The following NUP155 variants were observed in gnomAD, a reference collection of about 807,000 sequenced individuals.
NUP155 encodes nucleoporin 155.
NUP155 carries 71 observed loss-of-function variants against 180.4 expected under a neutral mutation model. That is an observed-to-expected ratio of 0.39 (90% CI 0.33 to 0.48). The LOEUF (loss-of-function observed/expected upper bound fraction) is 0.48. Among genes scored for constraint, NUP155 ranks in the 20% least tolerant of loss-of-function variants. The pLI is 0.91. For missense variants in NUP155, 1,553 were observed against 1,648.9 expected, an observed-to-expected ratio of 0.94 and a Z score of 1.01; for synonymous variants, 582 against 559.5, an observed-to-expected ratio of 1.04 and a Z score of -0.57.
intron 27 of NUP155, among the ~76,000 whole-genome samples, 173 bp from the exon 28 acceptor site, chr5:37,303,587 A>G (rs369548736): frequency 6.6e-6 from 1 of 152,224 alleles, no homozygotes. Context: ...TTCTTATTAT[A>G]AACAATTTTT....
At chr5:37,330,384 T>C (rs530028039) in intron 14 of NUP155, among the ~76,000 whole-genome samples, 18 of 152,376 alleles carry the variant, frequency 1.2e-4, no homozygotes, top group South Asian at 8.3e-4. Context: ...TTCCGGCTTA[T>C]GTCTCCAATT....
chr5:37,351,169 G>T, intron 6 of NUP155, 21 bp downstream of exon 6: 6 of 1,607,026 alleles, frequency 3.7e-6, no homozygotes, highest in Non-Finnish European at 5.1e-6. Flanking sequence ...AAAAAAAAAC[G>T]TTTACAAATG....
chr5:37,357,399 C>CAAAAAAAAAAAAAAAAAAAAAAA (rs397997409), intron 4 of NUP155, among the ~76,000 whole-genome samples: 5 of 31,288 alleles, frequency 1.6e-4, no homozygotes, highest in African/African-American at 2.8e-4. Flanking sequence ...ACCTTAATCT[C>CAAAAAAAAAAAAAAAAAAAAAAA]AAAAAAAAAA....
At chr5:37,326,846 A>G (rs1744629456) in intron 18 of NUP155, among the ~76,000 whole-genome samples, 1 of 152,226 alleles carries the variant, frequency 6.6e-6, no homozygotes. Flanking sequence ...ATTCATATGT[A>G]AGTAGATATA....
chr5:37,318,483 A>T (rs1033547583), intron 20 of NUP155, among the ~76,000 whole-genome samples: 3 of 132,484 alleles, frequency 2.3e-5, no homozygotes, highest in South Asian at 2.2e-4. Flanking sequence ...TATCCCTAAT[A>T]AAAAAAAAAA....
chr5:37,299,313 A>G (rs1742742899), intron 31 of NUP155, 135 bp downstream of exon 31: 2 of 1,039,800 alleles, frequency 1.9e-6, no homozygotes, highest in Admixed American at 1.8e-5. Context: ...GGTGACTTCC[A>G]CTTACTCTCT....
rs781237437 is a variant in NUP155, at chr5:37,305,222, T to C, written c.2904-12A>G. On this transcript the variant is annotated splice_polypyrimidine_tract_variant and intron_variant, in intron 25 of 34. Coordinates refer to ENST00000231498, the MANE Select transcript of NUP155 (RefSeq NM_153485.3). ...TGTAACTGTTTAATCTGAAAGAAAATGGAAAAGGAACAATTACATTATTTA... is the reference window on the plus strand; with the variant it reads ...TGTAACTGTTTAATCTGAAAGAAAACGGAAAAGGAACAATTACATTATTTA... 40 of 1,605,590 alleles carry C rather than the reference T, an allele frequency of 2.5e-5. No homozygotes were observed. In the Admixed American group the frequency reaches 6.5e-4, roughly 26 times the overall value.
chr5:37,327,365 G>C (rs1744669858), intron 18 of NUP155, among the ~76,000 whole-genome samples: 1 of 152,148 alleles, frequency 6.6e-6, no homozygotes, highest in Non-Finnish European at 1.5e-5. Flanking sequence ...ATGGTGGTTG[G>C]CATCCCCTAA....
chr5:37,318,634 C>A (rs970858703), intron 20 of NUP155, among the ~76,000 whole-genome samples: 28 of 151,472 alleles, frequency 1.8e-4, no homozygotes, highest in Admixed American at 1.1e-3. Context: ...ATTTAAAAAT[C>A]AAAAAAAACG....
intron 15 of NUP155, 144 bp from the exon 16 acceptor site, chr5:37,329,422 T>C (rs1176371617): frequency 1.4e-6 from 1 of 693,260 alleles, no homozygotes. Flanking sequence ...CAGTAAAGTA[T>C]ATGCATAAGA....
At chr5:37,333,771 T>C (rs1745133075) in intron 12 of NUP155, 138 bp from the exon 13 acceptor site, 1 of 705,040 alleles carries the variant, frequency 1.4e-6, no homozygotes, top group Admixed American at 2.8e-5. Flanking sequence ...TATGTAATTT[T>C]CTACTATCTT....
At chr5:37,294,251 T>A (rs954444448) in intron 33 of NUP155, 78 bp downstream of exon 33, 1 of 1,025,780 alleles carries the variant, frequency 9.7e-7, no homozygotes, top group Admixed American at 2.2e-5. Context: ...AAAAATGCAA[T>A]CAAAATACCC....
rs745574988 is a variant in NUP155 at position 37,364,403 on chromosome 5, G to GT, written c.158-20dup. On this transcript the variant is annotated intron_variant, in intron 1 of 34. Coordinates refer to ENST00000231498, the MANE Select transcript of NUP155 (RefSeq NM_153485.3). ...GGATTATCTACAAAAAGAAAATGAA[G>GT]TATTTATAATAATGTACTGCTCATC... 1 of 1,608,104 alleles carries GT rather than the reference G, an allele frequency of 6.2e-7. No individual in the cohort carries two copies. The highest frequency in any genetic ancestry group is 1.1e-5 in the South Asian group (1 of 90,936).
At chr5:37,309,345 T>C (rs1415593275) in intron 23 of NUP155, 78 bp from the exon 24 acceptor site, 1 of 1,183,966 alleles carries the variant, frequency 8.4e-7, no homozygotes, top group African/African-American at 1.5e-5. Context: ...AGTTTTAGTC[T>C]ATGTCTAAAT....
rs116689196 is a variant in NUP155 at position 37,370,707 on chromosome 5, C to T, written c.157+114G>A. The T allele has an allele frequency of 1.8e-4, 289 of 1,610,858 alleles. 1 individual carries two copies. In the African/African-American group the frequency reaches 3.6e-3, roughly 20 times the overall value. ...TGCTGTTCTCCAAAAATGCAGCCAA[C>T]AGTGCCATAAATCTCAGCATATCCT... On this transcript the variant is annotated intron_variant, in intron 1 of 34. Transcript: ENST00000231498.
chr5:37,308,929 T>C (rs1159267380), intron 24 of NUP155, among the ~76,000 whole-genome samples, 200 bp downstream of exon 24: 1 of 148,882 alleles, frequency 6.7e-6, no homozygotes, highest in Non-Finnish European at 1.5e-5. Context: ...GAAAGAACAT[T>C]ACAGCTTCTG....
intron 1 of NUP155, among the ~76,000 whole-genome samples, chr5:37,365,909 C>T (rs1164011328): frequency 6.6e-6 from 1 of 151,322 alleles, no homozygotes; most frequent in Non-Finnish European, 1.5e-5. Flanking sequence ...CTTTGGGGCT[C>T]AAAGGTAAAA....
Position 37,291,186 on chromosome 5 carries a change from A to G in NUP155, c.*714T>C, listed in dbSNP as rs573564149. 1 of 152,340 alleles carries G rather than the reference A, an allele frequency of 6.6e-6. No individual in the cohort carries two copies. Among genetic ancestry groups the G allele is most frequent in the African/African-American group, 2.4e-5 (1 of 41,578 alleles). 9.4% of individuals were successfully genotyped at this position (152,340 alleles called of 1,614,324 possible). ...TTTTGAAAAAGTCAGTTATTTGCCT[A>G]TTTAAGGACGGTTTTAGAATCCACT... On this transcript the variant is annotated 3_prime_UTR_variant, in exon 35 of 35. Transcript: ENST00000231498.
intron 13 of NUP155, 89 bp downstream of exon 13, chr5:37,333,374 T>G: frequency 1.7e-6 from 2 of 1,154,740 alleles, no homozygotes; most frequent in Non-Finnish European, 2.6e-6. Flanking sequence ...GAAAGAAAAT[T>G]ATTCAATTAA....
Sources: gnomAD v4.1 joint callset for allele counts (sites outside exome capture counted in the v4.1 genomes callset) on GRCh38, gnomAD v4.1.1 for gene constraint, MANE v1.5 for transcripts, NCBI Gene and HGNC (gene_info 2026-07-23, HGNC 2026-07-21) for gene names.